Variants in LATS2 observed in about 807,000 individuals in gnomAD.
The protein encoded by LATS2 is serine/threonine-protein kinase LATS2.
LATS2 carries 24 observed loss-of-function variants against 76.0 expected under a neutral mutation model. That is an observed-to-expected ratio of 0.32 (90% confidence interval 0.23 to 0.44). The LOEUF is 0.44. Among genes scored for constraint, LATS2 ranks in the 20% least tolerant of loss-of-function variants. The probability of loss-of-function intolerance (pLI) is 1.00; values close to 1 mark genes in which losing one functional copy is unlikely to be tolerated. For missense variants in LATS2, 1,286 were observed against 1,481.2 expected, an observed-to-expected ratio of 0.87 and a Z score of 2.16; for synonymous variants, 692 against 635.4, an observed-to-expected ratio of 1.09 and a Z score of -1.34.
At chr13:20,976,119 AC>A (rs1318960540) in intron 7 of LATS2, among the ~76,000 whole-genome samples, 3 of 150,088 alleles carry the variant, frequency 2.0e-5, no homozygotes, top group African/African-American at 7.4e-5. Flanking sequence ...AGCCATCTGG[AC>A]GTTCAGTAAA....
In LATS2 at chr13:20,973,106, T is replaced by C. The variant is rs1869412735; in HGVS notation, c.*1764A>G. ...TCAAAGGTAATGATATATCAATAAATAATAGTTAAACTGAGTTCCTGAGAA... is the reference window on the plus strand; with the variant it reads ...TCAAAGGTAATGATATATCAATAAACAATAGTTAAACTGAGTTCCTGAGAA... On this transcript the variant is annotated 3_prime_UTR_variant, in exon 8 of 8. Coordinates refer to ENST00000382592, the MANE Select transcript of LATS2 (RefSeq NM_014572.3). The C allele has an allele frequency of 4.3e-6, 1 of 230,154 alleles. No homozygotes were observed. The highest frequency in any genetic ancestry group is 8.6e-6 in the Non-Finnish European group (1 of 116,110). The allele number at this position is 230,154 out of a possible 1,614,324, so 14.3% of individuals were successfully genotyped here.
At chr13:21,010,874 T>C (rs1871565871) in intron 2 of LATS2, among the ~76,000 whole-genome samples, 1 of 152,252 alleles carries the variant, frequency 6.6e-6, no homozygotes, top group East Asian at 1.9e-4. Context: ...ACTAAGCAAG[T>C]TTGACTCCTT....
intron 2 of LATS2, among the ~76,000 whole-genome samples, chr13:21,035,118 G>T (rs536988923): frequency 6.6e-6 from 1 of 152,004 alleles, no homozygotes; most frequent in African/African-American, 2.4e-5. Context: ...AGCAAGAAAA[G>T]AAATCTAAAA....
intron 1 of LATS2, among the ~76,000 whole-genome samples, chr13:21,054,773 T>G (rs1330653662): frequency 6.6e-6 from 1 of 152,224 alleles, no homozygotes; most frequent in Non-Finnish European, 1.5e-5. Flanking sequence ...TCTTTTTCCA[T>G]TCCCCCCTCA....
rs1404499384 is a variant in LATS2, at chr13:20,973,266, G to A, written c.*1604C>T. On this transcript the variant is annotated 3_prime_UTR_variant, in exon 8 of 8. Transcript: ENST00000382592. Reference sequence around the variant, plus strand: ...ATGCCACTCACACAAATGTAAACCAGTACACAGGAATCTTTATTTTTTTAG... The same window carrying A: ...ATGCCACTCACACAAATGTAAACCAATACACAGGAATCTTTATTTTTTTAG... 3.9e-5 allele frequency: 9 copies of A among 231,784 alleles called. No homozygotes were observed. Among genetic ancestry groups the A allele is most frequent in the Non-Finnish European group, 6.0e-5 (7 of 117,068 alleles). 14.4% of individuals were successfully genotyped at this position (231,784 alleles called of 1,614,324 possible).
intron 2 of LATS2, among the ~76,000 whole-genome samples, chr13:21,035,896 GCCCCCTTCC>G (rs1565961696): frequency 6.6e-6 from 1 of 152,082 alleles, no homozygotes; most frequent in African/African-American, 2.4e-5. Context: ...TTCCTCAAAA[GCCCCCTTCC>G]CCTTTTTTCG....
intron 5 of LATS2, among the ~76,000 whole-genome samples, chr13:20,982,257 C>G (rs1384231466): frequency 6.6e-6 from 1 of 152,224 alleles, no homozygotes; most frequent in East Asian, 1.9e-4. Context: ...TGATACACTA[C>G]ATAGATGCAG....
intron 2 of LATS2, among the ~76,000 whole-genome samples, chr13:21,042,752 G>T (rs377502327): frequency 6.6e-6 from 1 of 152,008 alleles, no homozygotes; most frequent in South Asian, 2.1e-4. Flanking sequence ...ACTTTGGGAG[G>T]CCTAAGAGGG....
At chr13:20,999,805 C>A (rs1403968144) in intron 2 of LATS2, among the ~76,000 whole-genome samples, 2 of 148,946 alleles carry the variant, frequency 1.3e-5, no homozygotes, top group Non-Finnish European at 3.0e-5. Flanking sequence ...CTTGGCCTTG[C>A]CAATGATCAC....
chr13:20,979,713 G>T lies in LATS2; in HGVS notation c.2750C>A (p.Thr917Asn). ...LVGQPPFLAP[T>N]PTETQLKVIN... ...TACCTTCAGCTGGGTTTCTGTGGGAGTAGGTGCCAAAAAGGGCGGCTGCCC... is the reference window on the plus strand; with the variant it reads ...TACCTTCAGCTGGGTTTCTGTGGGATTAGGTGCCAAAAAGGGCGGCTGCCC... Residue 917 changes from threonine to asparagine, a missense_variant, in exon 7 of 8, where the codon ACT becomes AAT. By Grantham distance (65) the Thr-to-Asn change is moderately conservative. This residue lies in a region of LATS2 where 210 missense variants were observed against 234.9 expected (regional missense o/e 0.89). Coordinates refer to ENST00000382592, the MANE Select transcript of LATS2 (RefSeq NM_014572.3). The T allele has an allele frequency of 6.2e-7, 1 of 1,609,880 alleles. No homozygotes were observed. The highest frequency in any genetic ancestry group is 8.5e-7 in the Non-Finnish European group (1 of 1,176,400).
chr13:21,016,130 T>C (rs1047310442), intron 2 of LATS2, among the ~76,000 whole-genome samples: 6 of 151,180 alleles, frequency 4.0e-5, no homozygotes, highest in African/African-American at 1.5e-4. Context: ...GCTGAGATTA[T>C]AGGCACTCGC....
Position 20,983,594 on chromosome 13 carries a change from G to A in LATS2, c.2112C>T (p.Val704=), listed in dbSNP as rs1387872516. Residue 704 remains valine, a synonymous_variant, in exon 5 of 8, where the codon GTC becomes GTT. Transcript: ENST00000382592. ...YAMKTLRKKD[V]LNRNQVAHVK... ...CGTGGGCCACCTGATTCCGGTTCAG[G>A]ACATCCTTTTTCCTTAGGGTCTTCA... 6.2e-7 allele frequency: 1 copy of A among 1,613,998 alleles called. No homozygotes were observed. The highest frequency in any genetic ancestry group is 1.3e-5 in the African/African-American group (1 of 74,902).
chr13:20,990,887 A>C (rs1249693257), intron 3 of LATS2, among the ~76,000 whole-genome samples: 1 of 152,184 alleles, frequency 6.6e-6, no homozygotes, highest in Non-Finnish European at 1.5e-5. Context: ...AGAATTGAGG[A>C]AAGAAGCCAC....
chr13:21,053,256 A>G (rs1007706573), intron 1 of LATS2, among the ~76,000 whole-genome samples: 4 of 146,900 alleles, frequency 2.7e-5, no homozygotes, highest in African/African-American at 1.0e-4. Flanking sequence ...AAAAAAAAAA[A>G]GCCCAACTCA....
chr13:21,041,804 T>C (rs970780207), intron 2 of LATS2, among the ~76,000 whole-genome samples: 12 of 152,098 alleles, frequency 7.9e-5, no homozygotes, highest in Admixed American at 3.9e-4. Context: ...CCCTGGGAGT[T>C]ACTGAATTGG....
chr13:21,060,236 G>A (rs934627166), intron 1 of LATS2, among the ~76,000 whole-genome samples: 8 of 152,200 alleles, frequency 5.3e-5, no homozygotes, highest in African/African-American at 1.9e-4. Flanking sequence ...CCATCCCCGA[G>A]GGAAAGCTCC....
In LATS2 at chr13:20,998,745, G is replaced by GC. The variant is rs560130640; in HGVS notation, c.343-7342dup. ...GGCCCCAAGGCCTTGTCAATGCGGGGCGAGGCGGGGCGGGGCCCGACAACC... is the reference window on the plus strand; with the variant it reads ...GGCCCCAAGGCCTTGTCAATGCGGGGCCGAGGCGGGGCGGGGCCCGACAACC... On this transcript the variant is annotated intron_variant, in intron 2 of 7. Transcript: ENST00000382592. Among the ~76,000 whole-genome samples, 12 of 152,178 alleles carry GC rather than the reference G, an allele frequency of 7.9e-5. No homozygotes were observed. In the East Asian group the frequency reaches 1.8e-3, roughly 22 times the overall value.
At chr13:21,023,782 T>A (rs1267921323) in intron 2 of LATS2, among the ~76,000 whole-genome samples, 2 of 150,282 alleles carry the variant, frequency 1.3e-5, no homozygotes, top group Admixed American at 1.3e-4. Flanking sequence ...AAGACCAGCC[T>A]GACCAACCTG....
At chr13:21,002,155 C>T (rs920145926) in intron 2 of LATS2, among the ~76,000 whole-genome samples, 8 of 151,810 alleles carry the variant, frequency 5.3e-5, no homozygotes, top group African/African-American at 1.5e-4. Flanking sequence ...CCTCAAGATC[C>T]GCCCACCTTG....
Sources: allele counts gnomAD v4.1 joint callset (sites outside exome capture counted in the v4.1 genomes callset), GRCh38; gene constraint gnomAD v4.1.1; regional missense constraint gnomAD v4.1.1; transcripts MANE v1.5; gene names NCBI Gene and HGNC (gene_info 2026-07-23, HGNC 2026-07-21).